The following TCF4 variants were observed in gnomAD, a reference collection of about 807,000 sequenced individuals.
TCF4 encodes the protein transcription factor 4.
TCF4 carries 3 observed loss-of-function variants against 82.1 expected under a neutral mutation model. The ratio of observed to expected loss-of-function variants is 0.04; its 90% CI spans 0.02 to 0.09. The LOEUF is 0.09. TCF4 is among the 10% of genes least tolerant of loss of function. The pLI is 1.00. For synonymous variants in TCF4, 276 were observed against 309.6 expected (o/e 0.89, Z 1.14); for missense variants, 518 against 852.7 (o/e 0.61, Z 4.89).
intron 3 of TCF4, among the ~76,000 whole-genome samples, chr18:55,547,855 G>A (rs1404079284): frequency 1.3e-5 from 2 of 152,030 alleles, no homozygotes; most frequent in African/African-American, 2.4e-5. Flanking sequence ...AAACAAAGAT[G>A]AGGCCATAAA....
intron 3 of TCF4, among the ~76,000 whole-genome samples, chr18:55,514,632 C>G (rs2096863081): frequency 6.6e-6 from 1 of 152,164 alleles, no homozygotes. Context: ...ACAGGTTCAT[C>G]ACAATTAAAG....
chr18:55,578,575 GTTGACGGATT>G (rs1431365224), intron 3 of TCF4, among the ~76,000 whole-genome samples: 1 of 152,074 alleles, frequency 6.6e-6, no homozygotes, highest in Admixed American at 6.6e-5. Flanking sequence ...TAGCAGAAAA[GTTGACGGATT>G]TTGTATTTCA....
chr18:55,355,989 T>C (rs1431163441), intron 6 of TCF4, among the ~76,000 whole-genome samples: 1 of 152,052 alleles, frequency 6.6e-6, no homozygotes, highest in African/African-American at 2.4e-5. Context: ...GACAATGTAT[T>C]TGGGGGTGAG....
chr18:55,336,161 T>TA (rs920258143), intron 8 of TCF4, among the ~76,000 whole-genome samples: 14 of 152,052 alleles, frequency 9.2e-5, no homozygotes, highest in Admixed American at 3.3e-4. Flanking sequence ...TCAATTCTAA[T>TA]AAAAAAAATC....
At chr18:55,341,917 C>A (rs1437272841) in intron 8 of TCF4, among the ~76,000 whole-genome samples, 1 of 152,106 alleles carries the variant, frequency 6.6e-6, no homozygotes, top group Non-Finnish European at 1.5e-5. Flanking sequence ...GCAAGTGACA[C>A]AAGACTGCAA....
At chr18:55,620,847 A>G (rs1217660979) in intron 2 of TCF4, among the ~76,000 whole-genome samples, 2 of 149,242 alleles carry the variant, frequency 1.3e-5, no homozygotes, top group African/African-American at 5.0e-5. Context: ...AATCCAGTCC[A>G]TACTCTTCAT....
In TCF4 at chr18:55,586,153, G is replaced by GAGCAGGAGCAGCAGCAGCAGC; in HGVS notation, c.73-802_73-801insGCTGCTGCTGCTGCTCCTGCT. Reference sequence around the variant, plus strand: ...GGAGGAGAAGGAGGAGGAGGAGGAGGAGCAGCAGCAGCAGCAGCAGCAGCA... The same window carrying GAGCAGGAGCAGCAGCAGCAGC: ...GGAGGAGAAGGAGGAGGAGGAGGAGGAGCAGGAGCAGCAGCAGCAGCAGCAGCAGCAGCAGCAGCAGCAGCA... On this transcript the variant is annotated intron_variant, in intron 2 of 19. Transcript: ENST00000354452. 1.4e-5 allele frequency: 10 copies of GAGCAGGAGCAGCAGCAGCAGC among 706,108 alleles called. No individual in the cohort carries two copies. The South Asian group carries it at 1.8e-4, about 12-fold the overall frequency. 43.7% of individuals were successfully genotyped at this position (706,108 alleles called of 1,614,324 possible). A position where few individuals can be genotyped will look rare whatever the true frequency, so the allele number is the denominator to read the frequency against.
intron 3 of TCF4, among the ~76,000 whole-genome samples, chr18:55,538,026 G>GCACACACACACACACA (rs57686777): frequency 4.6e-5 from 6 of 131,502 alleles, no homozygotes; most frequent in East Asian, 2.3e-4. Context: ...CTGCGCGCGC[G>GCACACACACACACACA]CACACACACA....
At chr18:55,441,382 C>T (rs1457432588) in intron 5 of TCF4, among the ~76,000 whole-genome samples, 2 of 152,260 alleles carry the variant, frequency 1.3e-5, no homozygotes, top group East Asian at 1.9e-4. Context: ...ATAGTTTAAG[C>T]TATATTCAGT....
At chr18:55,511,346 A>AAAAAAAAAAC in intron 3 of TCF4, among the ~76,000 whole-genome samples, 1 of 150,982 alleles carries the variant, frequency 6.6e-6, no homozygotes, top group African/African-American at 2.4e-5. Context: ...AAAAAAAAAA[A>AAAAAAAAAAC]AAAAGCATTC....
intron 6 of TCF4, chr18:55,401,643 C>G (rs574325471): frequency 1.0e-6 from 1 of 988,688 alleles, no homozygotes; most frequent in African/African-American, 1.8e-5. Context: ...TCCCCACAAA[C>G]GGAGAAAGGA....
chr18:55,512,547 T>C (rs1342069146), intron 3 of TCF4, among the ~76,000 whole-genome samples: 3 of 152,132 alleles, frequency 2.0e-5, no homozygotes, highest in Non-Finnish European at 4.4e-5. Context: ...TATATGTGTG[T>C]ATGTGCATAT....
At chr18:55,457,593 C>T (rs2095789912) in intron 5 of TCF4, among the ~76,000 whole-genome samples, 1 of 152,180 alleles carries the variant, frequency 6.6e-6, no homozygotes, top group South Asian at 2.1e-4. Flanking sequence ...TCAAGAGATC[C>T]TCCCTCCTTG....
chr18:55,423,548 T>C (rs1036142766), intron 5 of TCF4: 1 of 152,150 alleles, frequency 6.6e-6, no homozygotes, highest in Non-Finnish European at 1.5e-5. Context: ...AGCTAAAGTG[T>C]AAGTGAAGAT....
chr18:55,466,452 GTGCCAC>G (rs2096021407), intron 3 of TCF4, among the ~76,000 whole-genome samples: 1 of 152,058 alleles, frequency 6.6e-6, no homozygotes, highest in Non-Finnish European at 1.5e-5. Context: ...AACTACGATT[GTGCCAC>G]TGCACTCCAA....
chr18:55,318,542 C>T (rs9320008), intron 8 of TCF4, among the ~76,000 whole-genome samples: 2 of 152,014 alleles, frequency 1.3e-5, no homozygotes, highest in African/African-American at 2.4e-5. Context: ...GTTCATGAAA[C>T]TCTCACCTGA....
upstream of TCF4, among the ~76,000 whole-genome samples, chr18:55,592,633 T>G (rs1345611835): frequency 6.6e-6 from 1 of 152,110 alleles, no homozygotes; most frequent in East Asian, 1.9e-4. Flanking sequence ...GGGTGCCACA[T>G]GACTCCTTCT....
chr18:55,359,985 C>T (rs1028741129), intron 6 of TCF4, among the ~76,000 whole-genome samples: 1 of 152,084 alleles, frequency 6.6e-6, no homozygotes, highest in African/African-American at 2.4e-5. Flanking sequence ...ATCATTCACC[C>T]AAAGGGCCCG....
intron 15 of TCF4, among the ~76,000 whole-genome samples, chr18:55,243,834 A>G (rs2052152769): frequency 6.6e-6 from 1 of 152,188 alleles, no homozygotes; most frequent in South Asian, 2.1e-4. Context: ...GGTAAAGAGT[A>G]CAACTGCAAT....
Sources: allele counts gnomAD v4.1 joint callset (sites outside exome capture counted in the v4.1 genomes callset), GRCh38; gene constraint gnomAD v4.1.1; transcripts MANE v1.5; gene names NCBI Gene and HGNC (gene_info 2026-07-23, HGNC 2026-07-21).